The following RBFOX1 variants were observed in gnomAD, a reference collection of about 807,000 sequenced individuals.
RBFOX1 encodes the protein RNA binding fox-1 homolog 1.
Under a neutral mutation model 57.7 loss-of-function variants are expected in RBFOX1, and 8 were observed. The ratio of observed to expected loss-of-function variants is 0.14; its 90% CI spans 0.08 to 0.25. The LOEUF is 0.25. Among genes scored for constraint, RBFOX1 ranks in the 10% least tolerant of loss-of-function variants. The pLI, the probability that RBFOX1 is intolerant of heterozygous loss-of-function variation, is 1.00. For missense variants in RBFOX1, 611 were observed against 548.5 expected, an observed-to-expected ratio of 1.11 and a Z score of -1.14; for synonymous variants, 326 against 222.4, an observed-to-expected ratio of 1.47 and a Z score of -4.15.
At position 7,081,799 on chromosome 16, in the gene RBFOX1, C is replaced by G. The variant is rs115205774; in HGVS notation, c.27+29701C>G. On this transcript the variant is annotated intron_variant, in intron 4 of 15. Transcript: ENST00000550418. Reference sequence around the variant, plus strand: ...TGATTTGAACACCTGCCTGGAGAATCCAATAATAGGATTGCTCTTATTGAT... The same window carrying G: ...TGATTTGAACACCTGCCTGGAGAATGCAATAATAGGATTGCTCTTATTGAT... Among the ~76,000 whole-genome samples the G allele has an allele frequency of 2.7e-3, 415 of 152,224 alleles. 2 individuals are homozygous for G. Among genetic ancestry groups the G allele is most frequent in the African/African-American group, 9.8e-3 (406 of 41,526 alleles).
chr16:5,801,819 C>T (rs758520693), intron 3 of RBFOX1, among the ~76,000 whole-genome samples: 49 of 152,262 alleles, frequency 3.2e-4, no homozygotes, highest in African/African-American at 8.4e-4. Context: ...CCAAAATTAT[C>T]GCCTAGCATC....
At chr16:6,821,410 A>C (rs2091276716) in intron 3 of RBFOX1, among the ~76,000 whole-genome samples, 1 of 152,226 alleles carries the variant, frequency 6.6e-6, no homozygotes, top group Non-Finnish European at 1.5e-5. Flanking sequence ...TATTCCACAT[A>C]ACTGATATCA....
chr16:7,051,771 G>C (rs898193369), intron 3 of RBFOX1, among the ~76,000 whole-genome samples: 2 of 152,026 alleles, frequency 1.3e-5, no homozygotes, highest in African/African-American at 4.8e-5. Flanking sequence ...ATGACAAGAG[G>C]GGAGGTGCCC....
intron 3 of RBFOX1, among the ~76,000 whole-genome samples, chr16:5,826,601 G>C (rs1198345137): frequency 2.6e-5 from 4 of 152,164 alleles, no homozygotes; most frequent in East Asian, 1.9e-4. Flanking sequence ...CAAGAGCTGG[G>C]CCAGATTTGG....
At chr16:5,517,226 A>T (rs2043825390) in intron 2 of RBFOX1, among the ~76,000 whole-genome samples, 1 of 152,200 alleles carries the variant, frequency 6.6e-6, no homozygotes, top group African/African-American at 2.4e-5. Context: ...ATCTCACAGC[A>T]GGTCTCCAGA....
At chr16:6,561,387 A>G (rs887223718) in intron 2 of RBFOX1, among the ~76,000 whole-genome samples, 1 of 152,228 alleles carries the variant, frequency 6.6e-6, no homozygotes. Context: ...ACAGTCTAGT[A>G]AGTAAATAAC....
chr16:6,933,628 A>T (rs964198590), intron 3 of RBFOX1, among the ~76,000 whole-genome samples: 1 of 152,230 alleles, frequency 6.6e-6, no homozygotes, highest in Non-Finnish European at 1.5e-5. Context: ...CAGAAGAATT[A>T]CTTGAACCTG....
intron 3 of RBFOX1, among the ~76,000 whole-genome samples, chr16:6,935,068 G>A (rs372443727): frequency 1.1e-4 from 16 of 151,970 alleles, no homozygotes; most frequent in African/African-American, 3.4e-4. Flanking sequence ...TCCAGCCTGC[G>A]TGACAGTGAG....
chr16:5,471,067 C>T (rs1219272312), intron 2 of RBFOX1, among the ~76,000 whole-genome samples: 1 of 152,048 alleles, frequency 6.6e-6, no homozygotes, highest in African/African-American at 2.4e-5. Flanking sequence ...CTCCTGACCT[C>T]AGGTGATCCA....
chr16:5,640,624 A>G (rs948149994), intron 3 of RBFOX1, among the ~76,000 whole-genome samples: 1 of 151,944 alleles, frequency 6.6e-6, no homozygotes, highest in African/African-American at 2.4e-5. Context: ...ACATATGCAC[A>G]CCATGCATAC....
chr16:5,925,798 A>G (rs1264670490), intron 4 of RBFOX1, among the ~76,000 whole-genome samples: 1 of 152,088 alleles, frequency 6.6e-6, no homozygotes, highest in East Asian at 1.9e-4. Context: ...CCTGAAGAGG[A>G]GCTTTCTCTG....
intron 4 of RBFOX1, among the ~76,000 whole-genome samples, chr16:7,331,743 A>G (rs988963438): frequency 5.9e-5 from 9 of 152,188 alleles, no homozygotes; most frequent in East Asian, 1.9e-4. Context: ...AACTTGTTCA[A>G]GATCACACAG....
At chr16:6,305,247 G>C (rs1039206120) in intron 1 of RBFOX1, among the ~76,000 whole-genome samples, 3 of 152,168 alleles carry the variant, frequency 2.0e-5, no homozygotes, top group Non-Finnish European at 1.5e-5. Flanking sequence ...TCAAGTTGTG[G>C]CTTCTCAGTG....
At chr16:7,386,192 C>G (rs1209101044) in intron 4 of RBFOX1, among the ~76,000 whole-genome samples, 1 of 152,080 alleles carries the variant, frequency 6.6e-6, no homozygotes, top group Non-Finnish European at 1.5e-5. Flanking sequence ...AAGCGGGTAT[C>G]TGCATCCCCC....
At chr16:7,369,168 A>G (rs2097523574) in intron 4 of RBFOX1, among the ~76,000 whole-genome samples, 1 of 152,074 alleles carries the variant, frequency 6.6e-6, no homozygotes, top group Non-Finnish European at 1.5e-5. Flanking sequence ...AGTCTGCTTA[A>G]TATAGGAGAT....
intron 1 of RBFOX1, among the ~76,000 whole-genome samples, chr16:6,034,330 G>A (rs1303804076): frequency 3.3e-4 from 3 of 9,156 alleles, no homozygotes; most frequent in Non-Finnish European, 3.2e-4. Context: ...AGACTGTTGC[G>A]CAAAAAAAAA....
intron 3 of RBFOX1, among the ~76,000 whole-genome samples, chr16:6,993,293 C>G (rs1421621634): frequency 1.3e-5 from 2 of 152,206 alleles, no homozygotes; most frequent in Non-Finnish European, 2.9e-5. Flanking sequence ...AATGAGTCTT[C>G]TGAGAATCAG....
At chr16:5,389,003 A>T (rs2066330311) in intron 1 of RBFOX1, among the ~76,000 whole-genome samples, 1 of 151,602 alleles carries the variant, frequency 6.6e-6, no homozygotes. Context: ...CATCTTGGCT[A>T]ACACGGTGAA....
At chr16:5,356,643 G>A (rs548509869) in intron 1 of RBFOX1, among the ~76,000 whole-genome samples, 2 of 152,086 alleles carry the variant, frequency 1.3e-5, no homozygotes, top group Non-Finnish European at 2.9e-5. Flanking sequence ...ATGAATGAGC[G>A]AACACCAAAT....
Sources: allele counts gnomAD v4.1 joint callset (sites outside exome capture counted in the v4.1 genomes callset), GRCh38; gene constraint gnomAD v4.1.1; transcripts MANE v1.5; gene names NCBI Gene and HGNC (gene_info 2026-07-23, HGNC 2026-07-21).